Variants in PTPRN2 observed in about 807,000 individuals in gnomAD.
PTPRN2 encodes protein tyrosine phosphatase receptor type N2.
PTPRN2 carries 74 observed loss-of-function variants against 118.8 expected under a neutral mutation model. The ratio of observed to expected loss-of-function variants is 0.62; its 90% confidence interval spans 0.52 to 0.76. The LOEUF is 0.76. Ranked by LOEUF, PTPRN2 falls within the 30% of genes least tolerant of loss-of-function variation. PTPRN2 has a pLI of 0.00. For synonymous variants in PTPRN2, 641 were observed against 608.0 expected (o/e 1.05, Z -0.80); for missense variants, 1,481 against 1,394.4 (o/e 1.06, Z -0.99).
At chr7:157,783,477 A>G (rs1803812098) in intron 12 of PTPRN2, among the ~76,000 whole-genome samples, 1 of 149,992 alleles carries the variant, frequency 6.7e-6, no homozygotes, top group Non-Finnish European at 1.5e-5. Context: ...AGAGGAGCTG[A>G]CAGCCCACAA....
intron 2 of PTPRN2, among the ~76,000 whole-genome samples, chr7:158,319,685 T>TCC (rs1451991579): frequency 0.4 from 1,213 of 3,000 alleles, 567 homozygotes; most frequent in Non-Finnish European, 0.52. Context: ...ACACACAGCC[T>TCC]CTCTCACACA....
At chr7:157,683,670 G>A (rs573249051) in intron 12 of PTPRN2, among the ~76,000 whole-genome samples, 14 of 152,280 alleles carry the variant, frequency 9.2e-5, no homozygotes, top group South Asian at 2.1e-4. Context: ...ACTGCTTCTT[G>A]GAGGGCGGGG....
Position 157,584,900 on chromosome 7 carries a change from T to G in PTPRN2, c.2497-6760A>C, listed in dbSNP as rs556768154. Among the ~76,000 whole-genome samples, 9 of 152,312 alleles carry G rather than the reference T, an allele frequency of 5.9e-5. No homozygotes were observed. The South Asian group carries it at 1.9e-3, about 32-fold the overall frequency. On this transcript the variant is annotated intron_variant, in intron 17 of 22. Coordinates refer to ENST00000389418, the MANE Select transcript of PTPRN2 (RefSeq NM_002847.5). ...AGAGGACAGTCCTAAGAAATGAAGC[T>G]TCAGGCTTTGCGGCTCTGGTTCCGA...
At chr7:158,582,231 C>G (rs1828662316) in intron 1 of PTPRN2, among the ~76,000 whole-genome samples, 1 of 152,132 alleles carries the variant, frequency 6.6e-6, no homozygotes, top group East Asian at 1.9e-4. Flanking sequence ...CTGCCAGGTG[C>G]TTTTATGTGG....
rs866486994 is a variant in PTPRN2 at position 158,587,782 on chromosome 7, C to T, written c.-113G>A. 2 of 983,340 alleles carry T rather than the reference C, an allele frequency of 2.0e-6. No homozygotes were observed. The highest frequency in any genetic ancestry group is 2.4e-6 in the Non-Finnish European group (2 of 823,246). The allele number at this position is 983,340 out of a possible 1,614,324, so 60.9% of individuals were successfully genotyped here. On this transcript the variant is annotated 5_prime_UTR_variant, in exon 1 of 23. Transcript: ENST00000389418. ...CGCCGGCTCCTCCCGCCGCGCCTCT[C>T]GCGCTCTTGCGGCGACGCCGGGCCG...
At chr7:158,498,187 C>T (rs1318301187) in intron 1 of PTPRN2, among the ~76,000 whole-genome samples, 2 of 152,218 alleles carry the variant, frequency 1.3e-5, no homozygotes, top group African/African-American at 4.8e-5. Context: ...CTCCTGTTCA[C>T]AAAATCAGCT....
intron 16 of PTPRN2, among the ~76,000 whole-genome samples, chr7:157,597,928 C>G (rs1801443431): frequency 6.6e-6 from 1 of 152,202 alleles, no homozygotes; most frequent in Non-Finnish European, 1.5e-5. Context: ...CAGGCACATT[C>G]TGTTGAACAG....
rs567016861 is a variant in PTPRN2 at position 158,509,545 on chromosome 7, C to T, written c.113-19760G>A. ...ACCCAAGTTAAAGATCAAGGTGACA[C>T]AGAACCAGAGCTTAGCAGCCAAAAT... On this transcript the variant is annotated intron_variant, in intron 1 of 22. Coordinates refer to ENST00000389418, the MANE Select transcript of PTPRN2 (RefSeq NM_002847.5). The surrounding 1 kb of genome is among the most constrained non-coding windows in gnomAD (Gnocchi z 4.4). Among the ~76,000 whole-genome samples the T allele has an allele frequency of 1.3e-5, 2 of 152,338 alleles. No individual in the cohort carries two copies. The highest frequency in any genetic ancestry group is 3.9e-4 in the East Asian group (2 of 5,184).
chr7:158,248,365 C>T (rs369379859), intron 3 of PTPRN2, among the ~76,000 whole-genome samples: 2 of 152,172 alleles, frequency 1.3e-5, no homozygotes, highest in African/African-American at 2.4e-5. Context: ...ACCCCGACCA[C>T]GTGGGGACAC....
chr7:158,180,260 G>A (rs990113185), intron 5 of PTPRN2, among the ~76,000 whole-genome samples: 1 of 152,186 alleles, frequency 6.6e-6, no homozygotes, highest in Admixed American at 6.5e-5. Flanking sequence ...GGTTTTCTAT[G>A]CTTTTTCAAA....
At chr7:158,478,330 G>A (rs1670340) in intron 2 of PTPRN2, among the ~76,000 whole-genome samples, 79,314 of 151,916 alleles carry the variant, frequency 0.52, 20,883 homozygotes, top group East Asian at 0.67. Context: ...GAAAACTGCA[G>A]ACTGGAAGGG....
chr7:158,311,208 G>A (rs148769046), intron 3 of PTPRN2, among the ~76,000 whole-genome samples: 13 of 152,322 alleles, frequency 8.5e-5, no homozygotes, highest in South Asian at 2.1e-4. Flanking sequence ...GGACCCGTGC[G>A]GCCAGCCTTG....
At chr7:158,071,171 CT>C (rs1811437935) in intron 11 of PTPRN2, among the ~76,000 whole-genome samples, 2 of 13,744 alleles carry the variant, frequency 1.5e-4, no homozygotes, top group East Asian at 1.9e-3. Flanking sequence ...GGTGGAGGTG[CT>C]CTTAGTATGG....
At position 158,546,857 on chromosome 7, in the gene PTPRN2, G is replaced by A. The variant is rs189664520; in HGVS notation, c.112+40701C>T. 3.8e-4 allele frequency among the ~76,000 whole-genome samples: 58 copies of A among 152,342 alleles called. 1 individual carries two copies. The highest frequency in any genetic ancestry group is 1.3e-3 in the African/African-American group (56 of 41,586). On this transcript the variant is annotated intron_variant, in intron 1 of 22. Coordinates refer to ENST00000389418, the MANE Select transcript of PTPRN2 (RefSeq NM_002847.5). The surrounding 1 kb of genome is among the most constrained non-coding windows in gnomAD (Gnocchi z 5.0). ...GCACTCCAGAGGGGCTCAGCTTATG[G>A]TTAACGCTGGGGCTGCCTTCATCTC...
intron 11 of PTPRN2, among the ~76,000 whole-genome samples, chr7:158,072,962 C>A (rs1036062452): frequency 6.6e-6 from 1 of 152,208 alleles, no homozygotes; most frequent in Non-Finnish European, 1.5e-5. Context: ...GCAGGAGAAA[C>A]CCTCTGCCCT....
chr7:157,896,355 C>T (rs192832034), intron 12 of PTPRN2, among the ~76,000 whole-genome samples: 7 of 152,200 alleles, frequency 4.6e-5, no homozygotes, highest in Admixed American at 3.3e-4. Context: ...GAAGCCACAG[C>T]GACCAGGCCC....
chr7:158,051,576 G>T (rs932064174), intron 11 of PTPRN2, among the ~76,000 whole-genome samples: 1 of 152,198 alleles, frequency 6.6e-6, no homozygotes, highest in African/African-American at 2.4e-5. Flanking sequence ...CAGGAAGCTG[G>T]AAAAGTGGCT....
intron 11 of PTPRN2, among the ~76,000 whole-genome samples, chr7:158,056,206 T>C (rs1809779416): frequency 1.3e-5 from 2 of 152,172 alleles, no homozygotes; most frequent in South Asian, 2.1e-4. Context: ...AAAGGTCACC[T>C]CTGCCAAGGA....
chr7:158,442,732 G>T (rs551552190), intron 2 of PTPRN2, among the ~76,000 whole-genome samples: 1 of 152,160 alleles, frequency 6.6e-6, no homozygotes, highest in Non-Finnish European at 1.5e-5. Context: ...GCAGCGTTCC[G>T]CCTGCTTCCT....
Sources: allele counts gnomAD v4.1 joint callset (sites outside exome capture counted in the v4.1 genomes callset), GRCh38; gene constraint gnomAD v4.1.1; non-coding constraint Gnocchi (gnomAD v3.1); transcripts MANE v1.5; gene names NCBI Gene and HGNC (gene_info 2026-07-23, HGNC 2026-07-21).